Variants in XIRP2 observed in about 807,000 individuals in gnomAD.
XIRP2 encodes xin actin binding repeat containing 2.
Under a neutral mutation model 277.0 loss-of-function variants are expected in XIRP2, and 236 were observed. The ratio of observed to expected loss-of-function variants is 0.85; its 90% CI spans 0.77 to 0.95. The LOEUF (loss-of-function observed/expected upper bound fraction) is 0.95, where lower values mean the gene tolerates loss of function less well. XIRP2 is among the 40% of genes least tolerant of loss of function. The pLI, the probability that XIRP2 is intolerant of heterozygous loss-of-function variation, is 0.00. For synonymous variants in XIRP2, 1,490 were observed against 1,416.5 expected (o/e 1.05, Z -1.17); for missense variants, 4,640 against 4,157.5 (o/e 1.12, Z -3.19).
In XIRP2 at chr2:167,011,147, G is replaced by A. The variant is rs1195752179; in HGVS notation, c.408+107257G>A. 2.7e-5 allele frequency among the ~76,000 whole-genome samples: 4 copies of A among 149,278 alleles called. No homozygotes were observed. In the East Asian group the frequency reaches 6.0e-4, roughly 22 times the overall value. ...GTGAGAGAGGGCATCCCTGTCTTGT[G>A]CCAGTTTTCAAAGGGAATGCTTCCA... On this transcript the variant is annotated intron_variant, in intron 2 of 10. Transcript: ENST00000409195.
chr2:167,027,267 C>G (rs1428925065), intron 2 of XIRP2, among the ~76,000 whole-genome samples: 2 of 152,094 alleles, frequency 1.3e-5, no homozygotes, highest in Non-Finnish European at 2.9e-5. Flanking sequence ...CCTTCCATCA[C>G]TGATACCCTT....
intron 2 of XIRP2, among the ~76,000 whole-genome samples, chr2:167,033,789 C>T (rs915125494): frequency 3.9e-5 from 6 of 151,986 alleles, no homozygotes; most frequent in African/African-American, 1.4e-4. Flanking sequence ...AAATATCATT[C>T]AAACATGAAA....
intron 2 of XIRP2, among the ~76,000 whole-genome samples, chr2:166,944,988 C>T (rs146308874): frequency 1.3e-5 from 2 of 152,198 alleles, no homozygotes; most frequent in East Asian, 3.9e-4. Flanking sequence ...GACAGCAGGA[C>T]TCTTTTGGTT....
At chr2:167,136,134 A>T in intron 3 of XIRP2, 72 bp downstream of exon 3, 1 of 1,379,338 alleles carries the variant, frequency 7.2e-7, no homozygotes, top group South Asian at 1.9e-5. Flanking sequence ...TAAATAAAAT[A>T]TATGAGGGGT....
intron 4 of XIRP2, among the ~76,000 whole-genome samples, chr2:167,214,628 A>T (rs990057952): frequency 2.6e-5 from 4 of 152,042 alleles, no homozygotes; most frequent in African/African-American, 9.7e-5. Flanking sequence ...GTGCAGTGGC[A>T]CAATCTCGGC....
chr2:166,908,020 G>A (rs1204429841), intron 2 of XIRP2, among the ~76,000 whole-genome samples: 3 of 135,926 alleles, frequency 2.2e-5, no homozygotes, highest in Non-Finnish European at 3.3e-5. Context: ...ATCATTGATG[G>A]ACATTTGCAT....
chr2:167,093,812 A>C (rs938854014), intron 2 of XIRP2, among the ~76,000 whole-genome samples: 2 of 152,134 alleles, frequency 1.3e-5, no homozygotes, highest in Admixed American at 6.6e-5. Flanking sequence ...AATGATTTAT[A>C]ATCCTTTGGG....
chr2:167,072,869 C>T (rs562376866), intron 2 of XIRP2, among the ~76,000 whole-genome samples: 2 of 152,258 alleles, frequency 1.3e-5, no homozygotes, highest in East Asian at 1.9e-4. Flanking sequence ...CAGAAGGCCG[C>T]ATATTTTGCA....
Position 167,246,803 on chromosome 2 carries a change from G to A in XIRP2, c.5411G>A (p.Ser1804Asn). 1 of 1,613,832 alleles carries A rather than the reference G, an allele frequency of 6.2e-7. No homozygotes were observed. Among genetic ancestry groups the A allele is most frequent in the Non-Finnish European group, 8.5e-7 (1 of 1,179,836 alleles). Residue 1804 changes from serine (S) to asparagine (N), a missense_variant, in exon 9 of 11, where the codon AGT becomes AAT. By Grantham distance (46) the Ser-to-Asn change is conservative. Coordinates refer to ENST00000409195, the MANE Select transcript of XIRP2 (RefSeq NM_152381.6). ...KRQSLVERTV[S>N]ETDIIPGDVH... is the part of the protein sequence containing the mutation. ...CAGTCTCTGGTTGAACGTACTGTTA[G>A]TGAAACTGACATCATCCCTGGAGAT...
intron 3 of XIRP2, among the ~76,000 whole-genome samples, chr2:167,192,050 G>A (rs1261345735): frequency 2.0e-5 from 3 of 151,674 alleles, no homozygotes; most frequent in Admixed American, 6.6e-5. Flanking sequence ...TAAAAAGCAC[G>A]TATTAGCATT....
At chr2:167,034,246 T>C (rs1010718313) in intron 2 of XIRP2, among the ~76,000 whole-genome samples, 15 of 152,118 alleles carry the variant, frequency 9.9e-5, no homozygotes, top group South Asian at 2.1e-4. Flanking sequence ...GGTTATAAGA[T>C]GTTATTTGCA....
intron 2 of XIRP2, among the ~76,000 whole-genome samples, chr2:167,126,804 CAT>C (rs1353032407): frequency 7.2e-5 from 11 of 152,166 alleles, no homozygotes; most frequent in Non-Finnish European, 2.9e-5. Context: ...CCTTTGATCA[CAT>C]GTCCTGCTGT....
intron 2 of XIRP2, among the ~76,000 whole-genome samples, chr2:166,954,124 C>T (rs528972555): frequency 7.3e-5 from 11 of 151,706 alleles, no homozygotes; most frequent in Non-Finnish European, 1.6e-4. Context: ...AGTGAGGGAC[C>T]ACAAAAATGA....
intron 2 of XIRP2, among the ~76,000 whole-genome samples, chr2:166,995,131 C>T (rs981924100): frequency 1.4e-4 from 21 of 152,094 alleles, no homozygotes; most frequent in African/African-American, 4.6e-4. Flanking sequence ...CCCCCCACCT[C>T]GGCCTCCCAA....
At chr2:167,130,639 T>G (rs1430123768) in intron 2 of XIRP2, among the ~76,000 whole-genome samples, 1 of 152,106 alleles carries the variant, frequency 6.6e-6, no homozygotes, top group Non-Finnish European at 1.5e-5. Flanking sequence ...TTTATCTGTC[T>G]TCCAGTTTAC....
intron 2 of XIRP2, among the ~76,000 whole-genome samples, chr2:167,115,715 A>G (rs1449052377): frequency 6.6e-6 from 1 of 152,160 alleles, no homozygotes; most frequent in African/African-American, 2.4e-5. Context: ...CACAGTTGGC[A>G]GTCAAGCTGC....
chr2:167,253,174 C>G (rs909002071), intron 9 of XIRP2, among the ~76,000 whole-genome samples: 1 of 151,766 alleles, frequency 6.6e-6, no homozygotes, highest in East Asian at 1.9e-4. Flanking sequence ...CTCACAGGAT[C>G]GCTGTGAGGA....
At chr2:166,965,509 G>T (rs188912745) in intron 2 of XIRP2, among the ~76,000 whole-genome samples, 33 of 151,984 alleles carry the variant, frequency 2.2e-4, no homozygotes, top group East Asian at 1.9e-3. Flanking sequence ...CCTTTTTAGA[G>T]ACTTAATAAC....
At chr2:167,104,964 G>A (rs1003403598) in intron 2 of XIRP2, among the ~76,000 whole-genome samples, 2 of 151,972 alleles carry the variant, frequency 1.3e-5, no homozygotes, top group African/African-American at 4.8e-5. Context: ...AAAAGCAAAA[G>A]CAAGTTCATA....
Sources: gnomAD v4.1 joint callset for allele counts (sites outside exome capture counted in the v4.1 genomes callset) on GRCh38, gnomAD v4.1.1 for gene constraint, MANE v1.5 for transcripts, NCBI Gene and HGNC (gene_info 2026-07-23, HGNC 2026-07-21) for gene names.